EXOG: variants seen among roughly 807,000 people sequenced by gnomAD.
The protein encoded by EXOG is nuclease EXOG, mitochondrial.
Under a neutral mutation model 25.8 loss-of-function variants are expected in EXOG, and 27 were observed. The observed-to-expected ratio is 1.05, with a 90% confidence interval of 0.77 to 1.45. The LOEUF (loss-of-function observed/expected upper bound fraction) is 1.45, where lower values mean the gene tolerates loss of function less well. Among genes scored for constraint, EXOG ranks in the 40% most tolerant of loss-of-function variants. The pLI, the probability that EXOG is intolerant of heterozygous loss-of-function variation, is 0.00. For synonymous variants in EXOG, 133 were observed against 167.0 expected (o/e 0.80, Z 1.57); for missense variants, 458 against 450.5 (o/e 1.02, Z -0.15).
chr3:38,514,625 T>G (rs1450495414), intron 5 of EXOG, among the ~76,000 whole-genome samples: 1 of 152,140 alleles, frequency 6.6e-6, no homozygotes, highest in Non-Finnish European at 1.5e-5. Context: ...ACTGACTGTT[T>G]GCAATCCCAG....
chr3:38,500,623 A>G lies in EXOG; in HGVS notation c.314-732A>G, dbSNP rs545875524. Among the ~76,000 whole-genome samples the G allele has an allele frequency of 2.0e-5, 3 of 152,290 alleles. No individual in the cohort carries two copies. In the South Asian group the frequency reaches 6.2e-4, roughly 32 times the overall value. On this transcript the variant is annotated intron_variant, in intron 2 of 5. Coordinates refer to ENST00000287675, the MANE Select transcript of EXOG (RefSeq NM_005107.4). ...CACTTCTTTGAATAACAGTCTGAGT[A>G]TGTTTCATTTGTTGTCATAACTTTT...
intron 5 of EXOG, among the ~76,000 whole-genome samples, chr3:38,513,482 A>C (rs2060433349): frequency 6.6e-6 from 1 of 152,240 alleles, no homozygotes; most frequent in East Asian, 1.9e-4. Flanking sequence ...TGAGAGAGAA[A>C]TATTACCACA....
chr3:38,524,618 G>C lies in EXOG; in HGVS notation c.*256G>C. On this transcript the variant is annotated 3_prime_UTR_variant, in exon 6 of 6. Coordinates refer to ENST00000287675, the MANE Select transcript of EXOG (RefSeq NM_005107.4). ...CTACAGGCACACACCATCACCCTCA[G>C]CTACTAGTGGCTTTGCTTTAAAGAA... The C allele has an allele frequency of 2.6e-6, 3 of 1,145,994 alleles. No homozygotes were observed. Among genetic ancestry groups the C allele is most frequent in the Non-Finnish European group, 3.2e-6 (3 of 934,014 alleles). 71.0% of individuals were successfully genotyped at this position (1,145,994 alleles called of 1,614,324 possible). A position where few individuals can be genotyped will look rare whatever the true frequency, so the allele number is the denominator to read the frequency against.
At chr3:38,523,788 G>A in intron 5 of EXOG, 113 bp from the exon 6 acceptor site, 1 of 666,496 alleles carries the variant, frequency 1.5e-6, no homozygotes, top group Non-Finnish European at 2.6e-6. Context: ...TTAGAACAGA[G>A]TGGGATGGCT....
At chr3:38,512,473 G>A (rs79705821) in intron 5 of EXOG, among the ~76,000 whole-genome samples, 2,286 of 152,058 alleles carry the variant, frequency 0.015, 102 homozygotes, top group East Asian at 0.15. Context: ...GTGACCTGTC[G>A]CTTATTAACA....
chr3:38,523,741 G>C (rs2060795441), intron 5 of EXOG, among the ~76,000 whole-genome samples, 160 bp from the exon 6 acceptor site: 1 of 152,322 alleles, frequency 6.6e-6, no homozygotes, highest in Non-Finnish European at 1.5e-5. Context: ...GAATCTCTGA[G>C]TCAGTTTATT....
At chr3:38,503,795 A>C in intron 4 of EXOG, 104 bp downstream of exon 4, 2 of 679,412 alleles carry the variant, frequency 2.9e-6, no homozygotes, top group Non-Finnish European at 2.5e-6. Flanking sequence ...TGTTTTTCAA[A>C]AGCTAAGCCT....
intron 2 of EXOG, 66 bp from the exon 3 acceptor site, chr3:38,501,289 T>C: frequency 6.9e-7 from 1 of 1,451,428 alleles, no homozygotes; most frequent in Non-Finnish European, 9.6e-7. Flanking sequence ...CAGCTTGCCT[T>C]GCTTAGAGAA....
intron 4 of EXOG, among the ~76,000 whole-genome samples, chr3:38,504,810 G>A (rs2060154076): frequency 6.6e-6 from 1 of 152,150 alleles, no homozygotes; most frequent in African/African-American, 2.4e-5. Flanking sequence ...CTGTCAGGTG[G>A]CTTCTTTATG....
chr3:38,499,190 T>A (rs2059977304), intron 2 of EXOG, among the ~76,000 whole-genome samples: 1 of 152,254 alleles, frequency 6.6e-6, no homozygotes, highest in African/African-American at 2.4e-5. Context: ...GTTGTTTTGT[T>A]CCCTTTTGTT....
At chr3:38,509,349 A>G (rs2060299545) in intron 5 of EXOG, among the ~76,000 whole-genome samples, 1 of 152,204 alleles carries the variant, frequency 6.6e-6, no homozygotes, top group Non-Finnish European at 1.5e-5. Context: ...GCATTTCACT[A>G]CATAGATTTT....
chr3:38,514,694 C>T (rs2060477143), intron 5 of EXOG, among the ~76,000 whole-genome samples: 1 of 151,902 alleles, frequency 6.6e-6, no homozygotes, highest in Admixed American at 6.6e-5. Flanking sequence ...CCTTATTATA[C>T]TCCTAGCTTG....
Position 38,524,327 on chromosome 3 carries a change from G to A in EXOG, c.1072G>A (p.Glu358Lys), listed in dbSNP as rs1240311024. ...GAAGCTAGAAGAACTCAAAGCTAAGGAGCAGTCAGGAACCCAGATAAGAAA... is the reference window on the plus strand; with the variant it reads ...GAAGCTAGAAGAACTCAAAGCTAAGAAGCAGTCAGGAACCCAGATAAGAAA... ...EKKLEELKAKEQSGTQIRKPS is the reference protein window; with the variant it reads ...EKKLEELKAKKQSGTQIRKPS Residue 358 changes from glutamate to lysine, a missense_variant, in exon 6 of 6, where the codon GAG becomes AAG. Around this residue, in one of 3 missense-constraint regions of EXOG, gnomAD observed 5 missense variants for 16.3 expected, o/e 0.31. Coordinates refer to ENST00000287675, the MANE Select transcript of EXOG (RefSeq NM_005107.4). The A allele has an allele frequency of 6.2e-6, 10 of 1,610,930 alleles. No individual in the cohort carries two copies. The highest frequency in any genetic ancestry group is 2.2e-5 in the East Asian group (1 of 44,872).
intron 5 of EXOG, among the ~76,000 whole-genome samples, chr3:38,516,955 A>G (rs971216290): frequency 6.6e-5 from 10 of 152,220 alleles, no homozygotes. Flanking sequence ...CAGGAGGTGC[A>G]TAATATCAGT....
chr3:38,522,064 A>G (rs955289978), intron 5 of EXOG, among the ~76,000 whole-genome samples: 1 of 152,224 alleles, frequency 6.6e-6, no homozygotes, highest in Non-Finnish European at 1.5e-5. Context: ...TGTTTGTAGT[A>G]CATAGTTTCA....
chr3:38,509,884 G>A (rs2060314703), intron 5 of EXOG, among the ~76,000 whole-genome samples: 1 of 152,134 alleles, frequency 6.6e-6, no homozygotes, highest in Admixed American at 6.5e-5. Flanking sequence ...GAATGAAAGA[G>A]TTATACAAAT....
In EXOG at chr3:38,524,211, C is replaced by G. The variant is rs754865006; in HGVS notation, c.956C>G (p.Ala319Gly). Residue 319 changes from alanine to glycine, a missense_variant, in exon 6 of 6, where the codon GCC (alanine) becomes GGC (glycine). By Grantham distance (60) the Ala-to-Gly change is moderately conservative. Transcript: ENST00000287675. ...LYLSTRKIEGARSVLRLEKIM... is the reference protein window; with the variant it reads ...LYLSTRKIEGGRSVLRLEKIM... ...TTGAGTACAAGAAAGATTGAAGGAG[C>G]CCGATCAGTGCTCAGACTGGAAAAG... is the stretch of plus-strand genomic sequence containing the variant. 3 of 1,614,050 alleles carry G rather than the reference C, an allele frequency of 1.9e-6. No individual in the cohort carries two copies. The highest frequency in any genetic ancestry group is 1.3e-5 in the African/African-American group (1 of 75,006).
chr3:38,499,023 C>G, intron 2 of EXOG: 1 of 456,040 alleles, frequency 2.2e-6, no homozygotes, highest in South Asian at 1.6e-5. Flanking sequence ...ATTTAATGCT[C>G]ATTTTACTTG....
At chr3:38,505,231 A>G (rs1041028451) in intron 4 of EXOG, among the ~76,000 whole-genome samples, 10 of 150,270 alleles carry the variant, frequency 6.7e-5, no homozygotes, top group Non-Finnish European at 1.0e-4. Flanking sequence ...AATTTGGTTG[A>G]TATGTCTCTT....
Sources: gnomAD v4.1 joint callset for allele counts (sites outside exome capture counted in the v4.1 genomes callset) on GRCh38, gnomAD v4.1.1 for gene constraint, gnomAD v4.1.1 regional missense constraint, MANE v1.5 for transcripts, NCBI Gene and HGNC (gene_info 2026-07-23, HGNC 2026-07-21) for gene names.